OXR1: variants seen among roughly 807,000 people sequenced by gnomAD.
OXR1 encodes the protein oxidation resistance protein 1.
OXR1 carries 41 observed loss-of-function variants against 104.6 expected under a neutral mutation model. That is an observed-to-expected ratio of 0.39 (90% confidence interval 0.31 to 0.51). OXR1 has a LOEUF of 0.51. OXR1 is among the 20% of genes least tolerant of loss of function. The probability of loss-of-function intolerance (pLI) is 0.77; values close to 1 mark genes in which losing one functional copy is unlikely to be tolerated. For synonymous variants in OXR1, 348 were observed against 348.4 expected (o/e 1.00, Z 0.01); for missense variants, 955 against 1,031.9 (o/e 0.93, Z 1.02).
At chr8:106,726,787 A>G (rs1025247424) in intron 11 of OXR1, among the ~76,000 whole-genome samples, 4 of 152,176 alleles carry the variant, frequency 2.6e-5, no homozygotes, top group African/African-American at 7.2e-5. Flanking sequence ...AGGCAATGCT[A>G]CCTAATACAA....
Position 106,706,791 on chromosome 8 carries a change from G to C in OXR1, c.1270G>C (p.Asp424His). The C allele has an allele frequency of 1.9e-6, 3 of 1,612,662 alleles. No individual in the cohort carries two copies. Among genetic ancestry groups the C allele is most frequent in the Non-Finnish European group, 2.5e-6 (3 of 1,179,622 alleles). ...TAATCTTGAAATGGCCATTAAGGAA[G>C]ATCAGATTGCAGATAACTTTCAAGG... ...LNNLEMAIKE[D>H]QIADNFQGIS... Residue 424 changes from aspartate (D) to histidine (H), a missense_variant, in exon 9 of 17, where the codon GAT becomes CAT. Coordinates refer to ENST00000517566, the MANE Select transcript of OXR1 (RefSeq NM_001198533.2).
chr8:106,457,787 C>T (rs777804952), intron 2 of OXR1, among the ~76,000 whole-genome samples: 4 of 152,132 alleles, frequency 2.6e-5, no homozygotes, highest in African/African-American at 9.7e-5. Context: ...GAAGGAAAGG[C>T]CATCCTTCTT....
At chr8:106,694,973 TTATAA>T (rs1351072946) in intron 7 of OXR1, among the ~76,000 whole-genome samples, 2 of 137,724 alleles carry the variant, frequency 1.5e-5, no homozygotes, top group East Asian at 2.1e-4. Context: ...TACATGTATA[TTATAA>T]TATATATCTT....
At chr8:106,293,794 A>G (rs1267486031) in intron 1 of OXR1, among the ~76,000 whole-genome samples, 1 of 152,104 alleles carries the variant, frequency 6.6e-6, no homozygotes, top group Non-Finnish European at 1.5e-5. Flanking sequence ...AAGCCCTTTC[A>G]TAGAGGCACT....
chr8:106,455,067 T>C (rs1194012263), intron 2 of OXR1, among the ~76,000 whole-genome samples: 1 of 152,196 alleles, frequency 6.6e-6, no homozygotes, highest in African/African-American at 2.4e-5. Flanking sequence ...TGGTTTGATA[T>C]ATTTCCTTCC....
chr8:106,348,245 G>T (rs886869090), intron 1 of OXR1, among the ~76,000 whole-genome samples: 3 of 152,120 alleles, frequency 2.0e-5, no homozygotes, highest in African/African-American at 4.8e-5. Context: ...GGTGACTTGG[G>T]CTGTGCTATG....
At chr8:106,400,426 CA>C (rs1817955120) in intron 2 of OXR1, among the ~76,000 whole-genome samples, 1 of 152,104 alleles carries the variant, frequency 6.6e-6, no homozygotes, top group Non-Finnish European at 1.5e-5. Context: ...AAAATACTCC[CA>C]AAAGAGGATG....
At chr8:106,617,037 C>T (rs62514883) in intron 3 of OXR1, among the ~76,000 whole-genome samples, 5,455 of 152,260 alleles carry the variant, frequency 0.036, 129 homozygotes, top group African/African-American at 0.077. Flanking sequence ...CACCACAATC[C>T]TCTCCAGGAT....
At chr8:106,488,861 A>G (rs183030251) in intron 2 of OXR1, among the ~76,000 whole-genome samples, 13,040 of 146,294 alleles carry the variant, frequency 0.089, 658 homozygotes, top group African/African-American at 0.12. Context: ...GTAGTGTGAT[A>G]CCTCCAGCTT....
At chr8:106,445,979 C>T (rs1469818809) in intron 2 of OXR1, among the ~76,000 whole-genome samples, 1 of 152,208 alleles carries the variant, frequency 6.6e-6, no homozygotes, top group African/African-American at 2.4e-5. Flanking sequence ...CAATGTTTTT[C>T]AGACCCTACT....
At chr8:106,370,345 C>A (rs745574329) in intron 2 of OXR1, among the ~76,000 whole-genome samples, 11 of 152,186 alleles carry the variant, frequency 7.2e-5, no homozygotes, top group African/African-American at 2.7e-4. Context: ...CATCTGCAGA[C>A]AGAGACAACT....
chr8:106,496,886 T>A (rs760079113), intron 2 of OXR1, among the ~76,000 whole-genome samples: 6 of 152,178 alleles, frequency 3.9e-5, no homozygotes, highest in Non-Finnish European at 7.3e-5. Flanking sequence ...TGGCCCAATG[T>A]GTTCCATGCA....
chr8:106,552,945 C>T (rs1815963233), intron 3 of OXR1, among the ~76,000 whole-genome samples: 2 of 152,176 alleles, frequency 1.3e-5, no homozygotes, highest in African/African-American at 4.8e-5. Flanking sequence ...TAATATCATC[C>T]TGGATAACAA....
intron 3 of OXR1, among the ~76,000 whole-genome samples, chr8:106,582,023 C>CAAAAAAAAAAAAAAAAAAAAACTAA (rs1818264061): frequency 1.4e-5 from 1 of 69,566 alleles, no homozygotes; most frequent in Non-Finnish European, 2.6e-5. Context: ...GACTCTGTCT[C>CAAAAAAAAAAAAAAAAAAAAACTAA]AAAAAAAAAA....
intron 3 of OXR1, among the ~76,000 whole-genome samples, chr8:106,526,446 A>C (rs922572844): frequency 5.3e-5 from 8 of 152,256 alleles, no homozygotes; most frequent in Non-Finnish European, 1.0e-4. Context: ...CATTTCTACC[A>C]ACAATGAATA....
At chr8:106,577,729 T>C (rs1817957725) in intron 3 of OXR1, among the ~76,000 whole-genome samples, 1 of 152,106 alleles carries the variant, frequency 6.6e-6, no homozygotes, top group African/African-American at 2.4e-5. Flanking sequence ...ATGCTGGGGC[T>C]GAGTTCCTGC....
chr8:106,276,029 A>G (rs899924372), intron 1 of OXR1, among the ~76,000 whole-genome samples: 1 of 152,178 alleles, frequency 6.6e-6, no homozygotes, highest in African/African-American at 2.4e-5. Flanking sequence ...TAAATAGTGT[A>G]TCTCTTCTAT....
Position 106,289,712 on chromosome 8 carries a change from C to G in OXR1, c.-139+19345C>G, listed in dbSNP as rs558136503. Among the ~76,000 whole-genome samples, 45 of 152,290 alleles carry G rather than the reference C, an allele frequency of 3.0e-4. No homozygotes were observed. In the South Asian group the frequency reaches 8.9e-3, roughly 30 times the overall value. ...CTATAGTAACCAAAACAACACGGTA[C>G]TGGTACAAAGACAGACACACTGATA... On this transcript the variant is annotated intron_variant, in intron 1 of 16. Coordinates refer to ENST00000517566, the MANE Select transcript of OXR1 (RefSeq NM_001198533.2).
chr8:106,489,912 T>G (rs1238292399), intron 2 of OXR1, among the ~76,000 whole-genome samples: 1 of 152,210 alleles, frequency 6.6e-6, no homozygotes, highest in Non-Finnish European at 1.5e-5. Context: ...ATATAATTTT[T>G]GTCCAGATTG....
Sources: gnomAD v4.1 joint callset for allele counts (sites outside exome capture counted in the v4.1 genomes callset) on GRCh38, gnomAD v4.1.1 for gene constraint, MANE v1.5 for transcripts, NCBI Gene and HGNC (gene_info 2026-07-23, HGNC 2026-07-21) for gene names.